Variants in FER1L6 observed in about 807,000 individuals in gnomAD.
The protein encoded by FER1L6 is fer-1-like protein 6.
FER1L6 carries 177 observed loss-of-function variants against 219.2 expected under a neutral mutation model. The observed-to-expected ratio is 0.81, with a 90% CI of 0.71 to 0.91. FER1L6 has a LOEUF of 0.91. Among genes scored for constraint, FER1L6 ranks in the 40% least tolerant of loss-of-function variants. FER1L6 has a pLI of 0.00. For synonymous variants in FER1L6, 768 were observed against 824.3 expected, an observed-to-expected ratio of 0.93 and a Z score of 1.17; for missense variants, 2,153 against 2,259.9, an observed-to-expected ratio of 0.95 and a Z score of 0.96.
At chr8:124,047,209 C>T (rs1819776279) in intron 21 of FER1L6, among the ~76,000 whole-genome samples, 1 of 152,170 alleles carries the variant, frequency 6.6e-6, no homozygotes, top group South Asian at 2.1e-4. Flanking sequence ...GGCAGGGTAC[C>T]ATTGTGGTTA....
Position 123,854,558 on chromosome 8 carries a change from A to G in FER1L6, c.-8+2373A>G, listed in dbSNP as rs114043374. Among the ~76,000 whole-genome samples the G allele has an allele frequency of 5.0e-4, 76 of 152,278 alleles. 1 individual carries two copies. Among genetic ancestry groups the G allele is most frequent in the African/African-American group, 1.8e-3 (73 of 41,564 alleles). On this transcript the variant is annotated intron_variant, in intron 1 of 40. Transcript: ENST00000522917. ...ATGATGGGGATTGGGACAGAGGGCC[A>G]ATGGAGGAGGTGTTCCCATTTCAGG...
At chr8:123,960,484 T>G (rs1815221084) in intron 2 of FER1L6, among the ~76,000 whole-genome samples, 2 of 152,212 alleles carry the variant, frequency 1.3e-5, no homozygotes, top group South Asian at 4.1e-4. Flanking sequence ...GTGTACTGTT[T>G]CATAGGGCTT....
intron 1 of FER1L6, among the ~76,000 whole-genome samples, chr8:123,923,941 G>GAAAAAAAAAA (rs60137127): frequency 1.1e-5 from 1 of 94,780 alleles, no homozygotes; most frequent in Non-Finnish European, 2.2e-5. Flanking sequence ...CTCCAACTAA[G>GAAAAAAAAAA]AAAAAAAAAA....
chr8:123,894,260 G>A (rs1053776991), intron 1 of FER1L6, among the ~76,000 whole-genome samples: 4 of 152,062 alleles, frequency 2.6e-5, no homozygotes, highest in Admixed American at 6.6e-5. Flanking sequence ...TACCCTTTCC[G>A]AGTTCCTATT....
chr8:123,871,609 T>C (rs1816925360), intron 1 of FER1L6, among the ~76,000 whole-genome samples: 1 of 152,220 alleles, frequency 6.6e-6, no homozygotes, highest in African/African-American at 2.4e-5. Context: ...TCCATCCTGA[T>C]ATATAAGTAA....
At chr8:124,078,937 T>G (rs1043188519) in intron 32 of FER1L6, among the ~76,000 whole-genome samples, 7 of 152,192 alleles carry the variant, frequency 4.6e-5, no homozygotes, top group African/African-American at 7.2e-5. Context: ...ACTGAAAGTA[T>G]GATGTTCTGG....
At chr8:124,007,278 TTCTC>T (rs1312204101) in intron 13 of FER1L6, among the ~76,000 whole-genome samples, 1 of 151,440 alleles carries the variant, frequency 6.6e-6, no homozygotes, top group East Asian at 1.9e-4. Flanking sequence ...CTCTCTCTCT[TTCTC>T]TCTCTCCCTC....
Position 124,035,324 on chromosome 8 carries a change from C to T in FER1L6, c.2334C>T (p.Asp778=), listed in dbSNP as rs781565744. The T allele has an allele frequency of 2.5e-5, 41 of 1,613,970 alleles. No homozygotes were observed. Among genetic ancestry groups the T allele is most frequent in the Non-Finnish European group, 2.9e-5 (34 of 1,179,990 alleles). ...PAGWSVQAKV[D]VYLWLGSIKH... ...GTTGGTCTGTGCAAGCAAAAGTCGACGTGTACCTGTGGCTGGGCTCCATCA... is the reference window on the plus strand; with the variant it reads ...GTTGGTCTGTGCAAGCAAAAGTCGATGTGTACCTGTGGCTGGGCTCCATCA... The change falls in exon 19 of 41, where the codon GAC becomes GAT. Residue 778 remains aspartate (D), a synonymous_variant. Coordinates refer to ENST00000522917, the MANE Select transcript of FER1L6 (RefSeq NM_001039112.2).
chr8:124,022,053 T>A (rs1331015666), intron 17 of FER1L6, among the ~76,000 whole-genome samples: 2 of 152,246 alleles, frequency 1.3e-5, no homozygotes, highest in African/African-American at 4.8e-5. Context: ...ACTTCTAGAA[T>A]GACCTGTTTA....
intron 1 of FER1L6, among the ~76,000 whole-genome samples, chr8:123,871,995 T>C (rs549691787): frequency 1.3e-5 from 2 of 152,314 alleles, no homozygotes; most frequent in Non-Finnish European, 2.9e-5. Flanking sequence ...AGAGGTTTAA[T>C]TGGCTGTACA....
intron 12 of FER1L6, among the ~76,000 whole-genome samples, chr8:123,993,759 G>A (rs947065305): frequency 1.3e-5 from 2 of 152,204 alleles, no homozygotes; most frequent in African/African-American, 4.8e-5. Context: ...CAGAGGGGCT[G>A]CCACAATCCA....
At chr8:123,961,958 C>G (rs547714311) in intron 2 of FER1L6, among the ~76,000 whole-genome samples, 1 of 147,112 alleles carries the variant, frequency 6.8e-6, no homozygotes, top group Non-Finnish European at 1.5e-5. Flanking sequence ...GGCACAATGT[C>G]GGCTCACTGC....
chr8:124,012,609 A>G (rs1817994377), intron 14 of FER1L6, among the ~76,000 whole-genome samples: 1 of 152,216 alleles, frequency 6.6e-6, no homozygotes. Context: ...CATTCCACAG[A>G]TAAAGAAATT....
In FER1L6 at chr8:124,023,386, C is replaced by G. The variant is rs1180115138; in HGVS notation, c.2134-58C>G. On this transcript the variant is annotated intron_variant, in intron 17 of 40. Transcript: ENST00000522917. The stretch of plus-strand genomic sequence containing the variant: ...GCAGAACTCTGCAAGTGCCTTTGTT[C>G]AATGCCAACCTTTCAAATCCCATTC... The G allele has an allele frequency of 2.4e-5, 38 of 1,554,948 alleles. 1 individual carries two copies. In the East Asian group the frequency reaches 8.6e-4, roughly 35 times the overall value.
At chr8:124,029,180 C>T (rs529143647) in intron 18 of FER1L6, among the ~76,000 whole-genome samples, 33 of 152,262 alleles carry the variant, frequency 2.2e-4, no homozygotes, top group Non-Finnish European at 4.1e-4. Context: ...AGTCTATCAT[C>T]GATGGGCATT....
intron 1 of FER1L6, among the ~76,000 whole-genome samples, chr8:123,914,078 A>G (rs1586459449): frequency 6.6e-6 from 1 of 152,250 alleles, no homozygotes; most frequent in East Asian, 1.9e-4. Flanking sequence ...ATGTGTGGCT[A>G]TTTAAATCTA....
intron 1 of FER1L6, among the ~76,000 whole-genome samples, chr8:123,899,664 G>A (rs1429642410): frequency 6.6e-6 from 1 of 151,838 alleles, no homozygotes; most frequent in Non-Finnish European, 1.5e-5. Context: ...TTAAGTCCTT[G>A]AGTTGACTTT....
intron 2 of FER1L6, among the ~76,000 whole-genome samples, chr8:123,961,401 A>G (rs1237399653): frequency 6.6e-6 from 1 of 152,246 alleles, no homozygotes; most frequent in Non-Finnish European, 1.5e-5. Context: ...TAAATGATGC[A>G]CTAAAATTCC....
chr8:123,895,172 C>T (rs1229571678), intron 1 of FER1L6, among the ~76,000 whole-genome samples: 1 of 152,142 alleles, frequency 6.6e-6, no homozygotes, highest in Non-Finnish European at 1.5e-5. Flanking sequence ...AAATACCAGA[C>T]ACATAAAAAT....
Sources: allele counts gnomAD v4.1 joint callset (sites outside exome capture counted in the v4.1 genomes callset), GRCh38; gene constraint gnomAD v4.1.1; transcripts MANE v1.5; gene names NCBI Gene and HGNC (gene_info 2026-07-23, HGNC 2026-07-21).